EIF4G3: variants seen among roughly 807,000 people sequenced by gnomAD.
EIF4G3 encodes the protein eIF-4-gamma 3.
A neutral mutation model predicts 186.4 loss-of-function variants in EIF4G3; 34 were observed. The ratio of observed to expected loss-of-function variants is 0.18; its 90% CI spans 0.14 to 0.24. The LOEUF is 0.24. Ranked by LOEUF, EIF4G3 falls within the 10% of genes least tolerant of loss-of-function variation. EIF4G3 has a pLI of 1.00. For missense variants in EIF4G3, 1,536 were observed against 1,948.5 expected (o/e 0.79, Z 3.99); for synonymous variants, 673 against 679.5 (o/e 0.99, Z 0.15).
intron 30 of EIF4G3, among the ~76,000 whole-genome samples, chr1:20,839,494 C>T (rs567283861): frequency 2.0e-5 from 3 of 152,066 alleles, no homozygotes; most frequent in Non-Finnish European, 2.9e-5. Flanking sequence ...CAAAGTCAAA[C>T]GAATAAATTC....
In EIF4G3 at chr1:20,953,820, C is replaced by T. The variant is rs554113009; in HGVS notation, c.715-3709G>A. On this transcript the variant is annotated intron_variant, in intron 12 of 36. Transcript: ENST00000602326. ...AATGTTGGCGGGGTGGTGGGGAAAACAAGAGACAAACAGTATTTCTTGACA... is the reference window on the plus strand; with the variant it reads ...AATGTTGGCGGGGTGGTGGGGAAAATAAGAGACAAACAGTATTTCTTGACA... 2.4e-4 allele frequency among the ~76,000 whole-genome samples: 36 copies of T among 152,214 alleles called. No individual in the cohort carries two copies. The South Asian group carries it at 7.5e-3, about 32-fold the overall frequency.
chr1:20,972,646 GAA>G (rs2076128162), intron 11 of EIF4G3, among the ~76,000 whole-genome samples: 2 of 151,400 alleles, frequency 1.3e-5, no homozygotes, highest in South Asian at 4.2e-4. Context: ...AAAAAAAAAA[GAA>G]AAAGACTGGT....
chr1:20,845,209 A>C (rs1173221559), intron 29 of EIF4G3, among the ~76,000 whole-genome samples: 2 of 152,244 alleles, frequency 1.3e-5, no homozygotes, highest in African/African-American at 4.8e-5. Context: ...TTTATTAAAA[A>C]GGGAATCCTT....
chr1:21,122,213 T>C (rs371485610), intron 2 of EIF4G3, among the ~76,000 whole-genome samples: 4 of 152,328 alleles, frequency 2.6e-5, no homozygotes, highest in African/African-American at 9.6e-5. Flanking sequence ...TGAAAGAGTT[T>C]AGATGAGCTC....
chr1:20,932,714 C>T (rs373995374), intron 14 of EIF4G3, among the ~76,000 whole-genome samples: 4 of 151,890 alleles, frequency 2.6e-5, no homozygotes, highest in African/African-American at 9.7e-5. Flanking sequence ...GTTTGTGGTG[C>T]CCCAAAACAA....
chr1:20,914,497 C>T (rs1382438990), intron 14 of EIF4G3, among the ~76,000 whole-genome samples: 1 of 152,142 alleles, frequency 6.6e-6, no homozygotes, highest in East Asian at 1.9e-4. Context: ...ATAGACTCTT[C>T]CACAGAGCCT....
At chr1:20,862,182 A>AATTT (rs2076517470) in intron 23 of EIF4G3, 46 bp downstream of exon 23, 2 of 1,199,862 alleles carry the variant, frequency 1.7e-6, no homozygotes, top group Non-Finnish European at 2.4e-6. Flanking sequence ...AATTCCTTTA[A>AATTT]AGAGACTGGA....
chr1:21,117,864 T>C (rs1028567031), intron 2 of EIF4G3, among the ~76,000 whole-genome samples: 6 of 151,984 alleles, frequency 3.9e-5, no homozygotes, highest in African/African-American at 1.4e-4. Flanking sequence ...ACAGGAAAGC[T>C]TTCCAAGCAT....
chr1:20,843,468 A>C (rs2069473027), intron 29 of EIF4G3, among the ~76,000 whole-genome samples: 1 of 151,936 alleles, frequency 6.6e-6, no homozygotes, highest in Non-Finnish European at 1.5e-5. Context: ...AGTGAGCTGT[A>C]ATCACCCCAC....
In EIF4G3 at chr1:20,825,125, T is replaced by A. The variant is rs771927406; in HGVS notation, c.4343A>T (p.Asp1448Val). The A allele has an allele frequency of 1.2e-6, 2 of 1,612,742 alleles. No homozygotes were observed. The highest frequency in any genetic ancestry group is 1.7e-6 in the Non-Finnish European group (2 of 1,179,438). The change falls in exon 33 of 37, where the codon GAT (aspartate) becomes GTT (valine). Residue 1448 changes from aspartate to valine, a missense_variant. Coordinates refer to ENST00000602326, the MANE Select transcript of EIF4G3 (RefSeq NM_001391906.1). ...CTGCTCCAAAAGAAAATTATGTACA[T>A]CTTCTCCTTCTGGTAAAAAGTCCTT... Reference protein sequence around the residue: ...SWKDFLPEGEDVHNFLLEQKL... With the variant: ...SWKDFLPEGEVVHNFLLEQKL...
intron 12 of EIF4G3, among the ~76,000 whole-genome samples, chr1:20,960,745 A>G (rs1419746620): frequency 6.6e-6 from 1 of 152,166 alleles, no homozygotes; most frequent in African/African-American, 2.4e-5. Context: ...GGCAACAGAC[A>G]AGACCCTGTC....
intron 19 of EIF4G3, among the ~76,000 whole-genome samples, chr1:20,879,855 G>T (rs376619741): frequency 1.3e-5 from 2 of 152,070 alleles, no homozygotes; most frequent in South Asian, 4.1e-4. Context: ...TACACTTTTA[G>T]AAATGTATTT....
intron 2 of EIF4G3, among the ~76,000 whole-genome samples, chr1:21,151,405 A>AT (rs2097548633): frequency 6.6e-6 from 1 of 151,232 alleles, no homozygotes. Context: ...CACCTGGCTA[A>AT]TTTTTTGTAT....
At chr1:20,973,481 G>A (rs2076277847) in intron 10 of EIF4G3, among the ~76,000 whole-genome samples, 1 of 152,190 alleles carries the variant, frequency 6.6e-6, no homozygotes, top group Non-Finnish European at 1.5e-5. Flanking sequence ...GTTTGTTTAT[G>A]GGTTTTGTCA....
At chr1:21,098,787 C>T (rs1305563384) in intron 2 of EIF4G3, among the ~76,000 whole-genome samples, 2 of 151,978 alleles carry the variant, frequency 1.3e-5, no homozygotes, top group African/African-American at 2.4e-5. Flanking sequence ...CTGGTATGTG[C>T]CACCATGCCC....
intron 10 of EIF4G3, among the ~76,000 whole-genome samples, chr1:20,978,070 C>G (rs1461879974): frequency 6.6e-6 from 1 of 152,138 alleles, no homozygotes; most frequent in African/African-American, 2.4e-5. Flanking sequence ...TCAGCATGTT[C>G]ATGCTGATTA....
chr1:20,943,977 TGTGTGTGTGTGTGTG>T (rs2095831978), intron 13 of EIF4G3, among the ~76,000 whole-genome samples: 3 of 34,868 alleles, frequency 8.6e-5, no homozygotes, highest in African/African-American at 2.8e-4. Context: ...ATTTTTTTTG[TGTGTGTGTGTGTGTG>T]TGTGTGTGTG....
At position 20,809,564 on chromosome 1, in the gene EIF4G3, C is replaced by T. The variant is rs554813048; in HGVS notation, c.4744+1174G>A. Among the ~76,000 whole-genome samples, 66 of 152,286 alleles carry T rather than the reference C, an allele frequency of 4.3e-4. No individual in the cohort carries two copies. The South Asian group carries it at 5.8e-3, about 13-fold the overall frequency. ...GTACAGGTTACTTTGTTTCATTAGC[C>T]AAGAATTAATCATAACCCTTAACTA... is the stretch of plus-strand genomic sequence containing the variant. On this transcript the variant is annotated intron_variant, in intron 36 of 36. Transcript: ENST00000602326.
rs1461161250 is a variant in EIF4G3, at chr1:20,973,096, G to A, written c.497C>T (p.Thr166Met). 4.4e-6 allele frequency: 7 copies of A among 1,607,190 alleles called. No homozygotes were observed. The highest frequency in any genetic ancestry group is 2.2e-5 in the East Asian group (1 of 44,786). The change falls in exon 11 of 37, where the codon ACG (threonine) becomes ATG (methionine). Residue 166 changes from threonine to methionine, a missense_variant. This residue lies in a region of EIF4G3 where 194 missense variants were observed against 212.8 expected (regional missense o/e 0.91). Coordinates refer to ENST00000602326, the MANE Select transcript of EIF4G3 (RefSeq NM_001391906.1). ...CACCGGCTGACTTGGGTAAAAAGGC[G>A]TTCCTAAAAAGTTGGAAAAAATTAA... ...GPGDFPNAYG[T>M]PFYPSQPVYQ...
Sources: gnomAD v4.1 joint callset for allele counts (sites outside exome capture counted in the v4.1 genomes callset) on GRCh38, gnomAD v4.1.1 for gene constraint, gnomAD v4.1.1 regional missense constraint, MANE v1.5 for transcripts, NCBI Gene and HGNC (gene_info 2026-07-23, HGNC 2026-07-21) for gene names.